Variants in CACNA1A observed in about 807,000 individuals in gnomAD.
CACNA1A encodes the protein calcium voltage-gated channel subunit alpha1 A, also known as voltage-dependent P/Q-type calcium channel subunit alpha-1A.
A neutral mutation model predicts 262.4 loss-of-function variants in CACNA1A; 57 were observed. That is an observed-to-expected ratio of 0.22 (90% CI 0.18 to 0.27). CACNA1A has a LOEUF of 0.27. Ranked by LOEUF, CACNA1A falls within the 10% of genes least tolerant of loss-of-function variation. The pLI, the probability that CACNA1A is intolerant of heterozygous loss-of-function variation, is 1.00. For synonymous variants in CACNA1A, 1,431 were observed against 1,419.3 expected (o/e 1.01, Z -0.18); for missense variants, 2,526 against 3,562.8 (o/e 0.71, Z 7.41).
At chr19:13,384,546 G>A (rs1156858175) in intron 3 of CACNA1A, among the ~76,000 whole-genome samples, 1 of 152,054 alleles carries the variant, frequency 6.6e-6, no homozygotes, top group Non-Finnish European at 1.5e-5. Flanking sequence ...AAAAATACAA[G>A]AAAATTAGCC....
At chr19:13,370,319 T>A (rs1055381539) in intron 4 of CACNA1A, among the ~76,000 whole-genome samples, 1 of 152,092 alleles carries the variant, frequency 6.6e-6, no homozygotes, top group African/African-American at 2.4e-5. Flanking sequence ...CAGGCAGGTC[T>A]CGAACTCCTG....
intron 6 of CACNA1A, among the ~76,000 whole-genome samples, chr19:13,346,937 C>G (rs1189684411): frequency 6.6e-6 from 1 of 151,004 alleles, no homozygotes; most frequent in Non-Finnish European, 1.5e-5. Flanking sequence ...GCCTTGGCCT[C>G]CCAATGTGCT....
chr19:13,210,873 T>G, intron 43 of CACNA1A: 1 of 613,452 alleles, frequency 1.6e-6, no homozygotes, highest in Non-Finnish European at 2.9e-6. Context: ...GCGTCCTCTA[T>G]TCCCATGGGT....
At chr19:13,299,435 C>T (rs1464349401) in intron 18 of CACNA1A, 82 bp from the exon 19 acceptor site, 1 of 1,129,468 alleles carries the variant, frequency 8.9e-7, no homozygotes, top group Admixed American at 1.7e-5. Flanking sequence ...CAACCCACAT[C>T]TCAGCCTCCC....
At chr19:13,352,750 T>C (rs753480478) in intron 6 of CACNA1A, among the ~76,000 whole-genome samples, 1 of 152,178 alleles carries the variant, frequency 6.6e-6, no homozygotes, top group Non-Finnish European at 1.5e-5. Context: ...CCCTCCCTGA[T>C]TGGCTGACCT....
intron 23 of CACNA1A, among the ~76,000 whole-genome samples, chr19:13,276,676 G>C (rs1227961019): frequency 1.3e-5 from 2 of 150,344 alleles, no homozygotes; most frequent in African/African-American, 2.5e-5. Context: ...TGGAGGCTCA[G>C]GATCTCCTGG....
intron 2 of CACNA1A, 83 bp from the exon 3 acceptor site, chr19:13,453,098 G>A (rs2060944617): frequency 2.8e-6 from 4 of 1,421,318 alleles, no homozygotes; most frequent in Non-Finnish European, 4.0e-6. Flanking sequence ...CTAGAAATCA[G>A]TACCTATCAC....
chr19:13,469,458 C>CTTTTTTTTTTT (rs1568678224), intron 1 of CACNA1A, among the ~76,000 whole-genome samples: 1 of 133,708 alleles, frequency 7.5e-6, no homozygotes. Context: ...CTTGAACCAC[C>CTTTTTTTTTTT]TCTTTTTTTT....
In CACNA1A at chr19:13,299,185, C is replaced by T. The variant is rs2057737218; in HGVS notation, c.2448G>A (p.Lys816=). The T allele has an allele frequency of 6.2e-7, 1 of 1,612,942 alleles. No homozygotes were observed. ...CCACCAGCGGCCGGTCCAAGTGCGT[C>T]TTCATGTCTGGCCGCAGGTGCCGCG... ...AYTRHLRPDM[K]THLDRPLVVD... is the part of the protein sequence containing the mutation. The change falls in exon 19 of 47, where the codon AAG becomes AAA. Residue 816 remains lysine, a synonymous_variant. Coordinates refer to ENST00000360228, the MANE Select transcript of CACNA1A (RefSeq NM_001127222.2).
chr19:13,476,007 G>A (rs1324800978), intron 1 of CACNA1A, among the ~76,000 whole-genome samples: 1 of 152,182 alleles, frequency 6.6e-6, no homozygotes. Flanking sequence ...ACACAACCAT[G>A]AAAGAAACTT....
At position 13,262,773 on chromosome 19, in the gene CACNA1A, T is replaced by A. The variant is rs775787236; in HGVS notation, c.4050A>T (p.Leu1350=). The A allele has an allele frequency of 1.2e-6, 2 of 1,613,662 alleles. No homozygotes were observed. Among genetic ancestry groups the A allele is most frequent in the Admixed American group, 3.3e-5 (2 of 59,960 alleles). ...GCCGCTTGATGGTTTTAAGAGGTCG[T>A]AGCACCCGGAGGACTCGGAGGGATT... ...TIKSLRVLRV[L]RPLKTIKRLP... The change falls in exon 25 of 47, where the codon CTA becomes CTT. Residue 1350 remains leucine, a synonymous_variant. Transcript: ENST00000360228.
chr19:13,388,737 T>G (rs1022207898), intron 3 of CACNA1A, among the ~76,000 whole-genome samples: 1 of 152,062 alleles, frequency 6.6e-6, no homozygotes, highest in African/African-American at 2.4e-5. Context: ...TTCTTCTCCC[T>G]CCCAGAGACA....
chr19:13,214,851 A>G lies in CACNA1A; in HGVS notation c.5732-243T>C. 1.9e-6 allele frequency: 1 copy of G among 516,104 alleles called. No individual in the cohort carries two copies. Among genetic ancestry groups the G allele is most frequent in the Middle Eastern group, 5.1e-4 (1 of 1,948 alleles). 32.0% of individuals were successfully genotyped at this position (516,104 alleles called of 1,614,324 possible). A position where few individuals can be genotyped will look rare whatever the true frequency, so the allele number is the denominator to read the frequency against. ...GCAGCTGTGCAGGAGACAGCCCGGC[A>G]TGGAGAACAGCTGGGCGACCTGGGT... On this transcript the variant is annotated intron_variant, in intron 38 of 46. Transcript: ENST00000360228. The surrounding 1 kb of genome is among the most constrained non-coding windows in gnomAD (Gnocchi z 4.1).
At chr19:13,419,270 G>C (rs904461335) in intron 3 of CACNA1A, among the ~76,000 whole-genome samples, 6 of 152,222 alleles carry the variant, frequency 3.9e-5, no homozygotes, top group Non-Finnish European at 5.9e-5. Flanking sequence ...AGGTGCAATA[G>C]GGTATGCCCC....
intron 1 of CACNA1A, among the ~76,000 whole-genome samples, chr19:13,455,820 T>C (rs539068966): frequency 7.8e-5 from 11 of 141,520 alleles, no homozygotes; most frequent in African/African-American, 2.9e-4. Context: ...CAGTGTACAA[T>C]GACTATACCA....
At chr19:13,500,620 G>A (rs1487284471) in intron 1 of CACNA1A, among the ~76,000 whole-genome samples, 2 of 152,150 alleles carry the variant, frequency 1.3e-5, no homozygotes, top group African/African-American at 2.4e-5. Flanking sequence ...TAGGAAAACA[G>A]TTTGAGAGCC....
chr19:13,361,424 G>A (rs1242192731), intron 5 of CACNA1A, among the ~76,000 whole-genome samples: 3 of 152,162 alleles, frequency 2.0e-5, no homozygotes, highest in African/African-American at 7.2e-5. Flanking sequence ...CCAGCACAGC[G>A]GGTCTGAGAG....
At chr19:13,349,430 G>A (rs4926155) in intron 6 of CACNA1A, among the ~76,000 whole-genome samples, 15,380 of 152,142 alleles carry the variant, frequency 0.1, 904 homozygotes, top group Admixed American at 0.17. Flanking sequence ...GCAAAGAGGG[G>A]GTCAGGGACC....
chr19:13,458,501 TA>T (rs369867890), intron 1 of CACNA1A, among the ~76,000 whole-genome samples: 54 of 148,998 alleles, frequency 3.6e-4, no homozygotes, highest in African/African-American at 1.2e-3. Flanking sequence ...TTTACCTCAA[TA>T]AAAAAAAAAT....
Sources: allele counts gnomAD v4.1 joint callset (sites outside exome capture counted in the v4.1 genomes callset), GRCh38; gene constraint gnomAD v4.1.1; non-coding constraint Gnocchi (gnomAD v3.1); transcripts MANE v1.5; gene names NCBI Gene and HGNC (gene_info 2026-07-23, HGNC 2026-07-21).